PDE8A: variants seen among roughly 807,000 people sequenced by gnomAD.
The protein encoded by PDE8A is phosphodiesterase 8A, also known as high affinity cAMP-specific and IBMX-insensitive 3',5'-cyclic phosphodiesterase 8A.
In PDE8A, 59 loss-of-function variants were observed where a neutral mutation model predicts 105.0. The ratio of observed to expected loss-of-function variants is 0.56; its 90% CI spans 0.46 to 0.70. PDE8A has a LOEUF of 0.70. Among genes scored for constraint, PDE8A ranks in the 30% least tolerant of loss-of-function variants. The pLI is 0.00. For missense variants in PDE8A, 1,014 were observed against 1,045.9 expected (o/e 0.97, Z 0.42); for synonymous variants, 355 against 371.9 (o/e 0.95, Z 0.52).
At chr15:85,015,845 A>T (rs1188741494) in intron 1 of PDE8A, among the ~76,000 whole-genome samples, 1 of 151,922 alleles carries the variant, frequency 6.6e-6, no homozygotes, top group Non-Finnish European at 1.5e-5. Context: ...TTGTTTTAAG[A>T]TGACTTGTCG....
intron 17 of PDE8A, among the ~76,000 whole-genome samples, chr15:85,118,136 G>A (rs952085238): frequency 1.8e-4 from 28 of 152,292 alleles, no homozygotes; most frequent in African/African-American, 6.5e-4. Flanking sequence ...CTCCAAGCCT[G>A]TACACTAGTA....
At position 85,113,447 on chromosome 15, in the gene PDE8A, G is replaced by A; in HGVS notation, c.1185G>A (p.Lys395=). 3.1e-6 allele frequency: 5 copies of A among 1,613,342 alleles called. No individual in the cohort carries two copies. The highest frequency in any genetic ancestry group is 4.2e-6 in the Non-Finnish European group (5 of 1,179,292). Residue 395 remains lysine, a splice_region_variant and synonymous_variant, in exon 13 of 22, where the codon AAG becomes AAA. Coordinates refer to ENST00000394553, the MANE Select transcript of PDE8A (RefSeq NM_002605.3). ...HSMTIEAPIT[K]VINIINAAQE... ...TGACAATTGAGGCGCCCATCACCAA[G>A]GTGAAGCAGTTTGTGGTCTGTCTCC...
chr15:85,104,130 A>G (rs917155041), intron 11 of PDE8A, among the ~76,000 whole-genome samples: 2 of 152,210 alleles, frequency 1.3e-5, no homozygotes, highest in African/African-American at 2.4e-5. Context: ...TGTCCAGTCT[A>G]TTGACTTGTT....
intron 1 of PDE8A, among the ~76,000 whole-genome samples, chr15:84,999,039 C>T (rs1374050947): frequency 6.6e-6 from 1 of 151,796 alleles, no homozygotes; most frequent in Admixed American, 6.6e-5. Flanking sequence ...ACTTCTTGAA[C>T]TCCATAGTAG....
chr15:85,109,277 C>T lies in PDE8A; in HGVS notation c.1114+147C>T. On this transcript the variant is annotated intron_variant, in intron 12 of 21. Coordinates refer to ENST00000394553, the MANE Select transcript of PDE8A (RefSeq NM_002605.3). ...CTGGAAACTAGTGTTCCCTTTCTCCCTCTCTGTGGACTCCTGCCAATGGGC... is the reference window on the plus strand; with the variant it reads ...CTGGAAACTAGTGTTCCCTTTCTCCTTCTCTGTGGACTCCTGCCAATGGGC... 7.7e-6 allele frequency: 4 copies of T among 522,456 alleles called. No homozygotes were observed. In the East Asian group the frequency reaches 1.2e-4, roughly 16 times the overall value. 32.4% of individuals were successfully genotyped at this position (522,456 alleles called of 1,614,324 possible).
At chr15:85,072,045 G>T (rs893295048) in intron 3 of PDE8A, among the ~76,000 whole-genome samples, 1 of 152,100 alleles carries the variant, frequency 6.6e-6, no homozygotes. Flanking sequence ...AACCCAAAAC[G>T]CATTAACAGA....
At chr15:85,086,621 T>G (rs573542358) in intron 6 of PDE8A, among the ~76,000 whole-genome samples, 11 of 152,348 alleles carry the variant, frequency 7.2e-5, no homozygotes, top group African/African-American at 2.2e-4. Context: ...TAACATTTTT[T>G]TATTTACCGT....
chr15:85,089,115 A>G lies in PDE8A; in HGVS notation c.636-223A>G, dbSNP rs755157670. Among the ~76,000 whole-genome samples, 34 of 152,130 alleles carry G rather than the reference A, an allele frequency of 2.2e-4. 2 individuals carry two copies. The highest frequency in any genetic ancestry group is 2.1e-4 in the South Asian group (1 of 4,808). On this transcript the variant is annotated intron_variant, in intron 6 of 21. Transcript: ENST00000394553. ...GTGGCCACCCTGGCTCACTGGCCCA[A>G]TGTGTCTTTCCTTCATATTGGAAGG...
intron 2 of PDE8A, among the ~76,000 whole-genome samples, chr15:85,066,543 A>C (rs1432022024): frequency 6.7e-6 from 1 of 149,934 alleles, no homozygotes; most frequent in Non-Finnish European, 1.5e-5. Context: ...CAGCCCATGC[A>C]ACAGAGGAAG....
chr15:85,031,493 T>C (rs2080614479), intron 1 of PDE8A, among the ~76,000 whole-genome samples: 1 of 152,150 alleles, frequency 6.6e-6, no homozygotes, highest in South Asian at 2.1e-4. Context: ...ACCCTGATTC[T>C]TGCCTTTTCT....
At chr15:84,987,591 C>T (rs1217254982) in intron 1 of PDE8A, among the ~76,000 whole-genome samples, 4 of 150,794 alleles carry the variant, frequency 2.7e-5, no homozygotes, top group Non-Finnish European at 5.9e-5. Context: ...CATGCCTTAG[C>T]CTCCCGAGTA....
intron 21 of PDE8A, 90 bp downstream of exon 21, chr15:85,136,753 G>A (rs11073962): frequency 0.14 from 182,738 of 1,279,786 alleles, 15,771 homozygotes; most frequent in East Asian, 0.4. Context: ...TGTAGAATAT[G>A]ATTTGGGGCC....
intron 1 of PDE8A, among the ~76,000 whole-genome samples, chr15:85,037,165 A>G (rs1256873149): frequency 6.6e-6 from 1 of 151,260 alleles, no homozygotes; most frequent in African/African-American, 2.4e-5. Context: ...TCCCGGGTTC[A>G]AGGGATTCCC....
chr15:85,083,876 A>T (rs1255672605), intron 6 of PDE8A, among the ~76,000 whole-genome samples: 1 of 152,284 alleles, frequency 6.6e-6, no homozygotes, highest in Middle Eastern at 3.4e-3. Flanking sequence ...AAATAATAGT[A>T]AGTTTAAAAA....
chr15:85,060,798 A>G (rs1657844274), intron 1 of PDE8A, among the ~76,000 whole-genome samples: 1 of 152,326 alleles, frequency 6.6e-6, no homozygotes, highest in South Asian at 2.1e-4. Context: ...CTCTTAAATC[A>G]TGTAGGAAAC....
intron 4 of PDE8A, 69 bp from the exon 5 acceptor site, chr15:85,076,661 TTAG>T (rs1237845299): frequency 1.0e-5 from 9 of 882,476 alleles, no homozygotes; most frequent in East Asian, 2.4e-5. Flanking sequence ...ATTATTTAAA[TTAG>T]TAGAGTAAAA....
At chr15:84,995,003 A>G (rs565689330) in intron 1 of PDE8A, among the ~76,000 whole-genome samples, 66 of 152,006 alleles carry the variant, frequency 4.3e-4, no homozygotes, top group Non-Finnish European at 8.5e-4. Flanking sequence ...AAATGTTAGT[A>G]TACTATACTT....
At chr15:85,011,263 G>C (rs1012366996) in intron 1 of PDE8A, among the ~76,000 whole-genome samples, 1 of 152,202 alleles carries the variant, frequency 6.6e-6, no homozygotes, top group Non-Finnish European at 1.5e-5. Context: ...AATTGAAGAT[G>C]AGACATTTAC....
chr15:85,133,386 T>C (rs543930672), intron 20 of PDE8A, among the ~76,000 whole-genome samples: 6 of 152,152 alleles, frequency 3.9e-5, no homozygotes, highest in Non-Finnish European at 8.8e-5. Flanking sequence ...CTTGTCAGAA[T>C]GTTGCAAATA....
Sources: allele counts gnomAD v4.1 joint callset (sites outside exome capture counted in the v4.1 genomes callset), GRCh38; gene constraint gnomAD v4.1.1; transcripts MANE v1.5; gene names NCBI Gene and HGNC (gene_info 2026-07-23, HGNC 2026-07-21).